DCAF8L2: variants seen among roughly 807,000 people sequenced by gnomAD.
The protein encoded by DCAF8L2 is DDB1- and CUL4-associated factor 8-like protein 2.
For synonymous variants in DCAF8L2, 200 were observed against 190.9 expected, an observed-to-expected ratio of 1.05 and a Z score of -0.39; for missense variants, 430 against 490.7, an observed-to-expected ratio of 0.88 and a Z score of 1.17.
chrX:27,734,220 C>G, intron 4 of DCAF8L2, among the ~76,000 whole-genome samples: 1 of 110,996 alleles, frequency 9.0e-6, no homozygotes, highest in Non-Finnish European at 1.9e-5. Context: ...TAAACCCCAT[C>G]TAAACCAGAA....
chrX:27,670,490 C>T (rs916304929), intron 2 of DCAF8L2, among the ~76,000 whole-genome samples: 6 of 111,414 alleles, frequency 5.4e-5, no homozygotes, highest in Non-Finnish European at 9.4e-5. Flanking sequence ...GCTGCAGGCT[C>T]TTTTGAGCTT....
the DCAF8L2 span, among the ~76,000 whole-genome samples, chrX:27,533,176 A>AGAGAG: frequency 2.0e-4 from 3 of 14,849 alleles, no homozygotes; most frequent in African/African-American, 3.5e-4. Flanking sequence ...GAAAGAAAGA[A>AGAGAG]AGAAAGAAAG....
chrX:27,526,275 T>C, the DCAF8L2 span, among the ~76,000 whole-genome samples: 2 of 112,162 alleles, frequency 1.8e-5, no homozygotes, highest in African/African-American at 6.5e-5. Context: ...TTTCATTCAT[T>C]TGATCTTCAA....
chrX:27,711,426 TTA>T (rs1423669611), intron 3 of DCAF8L2, among the ~76,000 whole-genome samples: 28 of 101,330 alleles, frequency 2.8e-4, no homozygotes, highest in Non-Finnish European at 3.6e-4. Context: ...TGTGTGTGTA[TTA>T]TATATATATA....
At chrX:27,651,711 C>T (rs1282468905) in intron 2 of DCAF8L2, among the ~76,000 whole-genome samples, 4 of 109,063 alleles carry the variant, frequency 3.7e-5, no homozygotes, top group African/African-American at 6.7e-5. Flanking sequence ...GGGGTTTCAC[C>T]GTGTTAGCCA....
At chrX:27,656,673 T>G (rs1929365639) in intron 2 of DCAF8L2, among the ~76,000 whole-genome samples, 1 of 111,698 alleles carries the variant, frequency 9.0e-6, no homozygotes, top group Admixed American at 9.6e-5. Context: ...TCTTTTCCAT[T>G]AGCTGTATTA....
At chrX:27,517,887 A>C in the DCAF8L2 span, 1 of 1,115,282 alleles carries the variant, frequency 9.0e-7, no homozygotes, top group Non-Finnish European at 1.2e-6. Flanking sequence ...TTTTGTGCCC[A>C]ATACAACTGG....
intron 3 of DCAF8L2, among the ~76,000 whole-genome samples, chrX:27,701,401 T>A (rs1252393409): frequency 1.8e-5 from 2 of 111,176 alleles, no homozygotes; most frequent in Non-Finnish European, 3.8e-5. Flanking sequence ...TGGAGAACAC[T>A]CCACCCAACA....
At chrX:27,611,392 G>C (rs984488440) in intron 1 of DCAF8L2, among the ~76,000 whole-genome samples, 2 of 108,997 alleles carry the variant, frequency 1.8e-5, no homozygotes, top group African/African-American at 6.7e-5. Flanking sequence ...TGCCGTCATA[G>C]TGAACAGGCA....
upstream of DCAF8L2, among the ~76,000 whole-genome samples, chrX:27,587,667 A>G (rs1170115511): frequency 9.0e-6 from 1 of 111,633 alleles, no homozygotes; most frequent in Admixed American, 9.6e-5. Context: ...GAAGGAATAT[A>G]TAACAAGAGG....
At chrX:27,640,696 C>T (rs1928679255) in intron 2 of DCAF8L2, among the ~76,000 whole-genome samples, 1 of 112,056 alleles carries the variant, frequency 8.9e-6, no homozygotes, top group African/African-American at 3.2e-5. Flanking sequence ...CACATTTTCA[C>T]GGCAATGTAT....
At chrX:27,624,103 CAG>C (rs939307649) in intron 1 of DCAF8L2, among the ~76,000 whole-genome samples, 1 of 111,695 alleles carries the variant, frequency 9.0e-6, no homozygotes, top group Non-Finnish European at 1.9e-5. Context: ...TTAGAATTGT[CAG>C]AGTTTAGACA....
chrX:27,528,058 T>C, the DCAF8L2 span, among the ~76,000 whole-genome samples: 1 of 106,278 alleles, frequency 9.4e-6, no homozygotes, highest in African/African-American at 3.5e-5. Context: ...AATTATTAAA[T>C]TAAATTTTTA....
At chrX:27,584,667 A>G in the DCAF8L2 span, among the ~76,000 whole-genome samples, 4 of 111,825 alleles carry the variant, frequency 3.6e-5, no homozygotes, top group East Asian at 8.3e-4. Context: ...CACCAACTTC[A>G]TTTGAAAAAT....
chrX:27,599,283 A>G (rs1004861680), intron 1 of DCAF8L2, among the ~76,000 whole-genome samples: 1 of 111,591 alleles, frequency 9.0e-6, no homozygotes, highest in African/African-American at 3.3e-5. Context: ...GACAAATACT[A>G]TGTGATTCCA....
the DCAF8L2 span, among the ~76,000 whole-genome samples, chrX:27,573,165 C>T: frequency 9.1e-6 from 1 of 110,152 alleles, no homozygotes; most frequent in African/African-American, 3.3e-5. Context: ...TTACCCCAAA[C>T]ATGGTTGATA....
chrX:27,673,929 C>G (rs1165284477), intron 2 of DCAF8L2, among the ~76,000 whole-genome samples: 1 of 111,082 alleles, frequency 9.0e-6, no homozygotes, highest in Admixed American at 9.7e-5. Flanking sequence ...GACCAGGCAG[C>G]TTGCACCTTT....
At chrX:27,603,284 T>C (rs903972431) in intron 1 of DCAF8L2, among the ~76,000 whole-genome samples, 7 of 112,103 alleles carry the variant, frequency 6.2e-5, no homozygotes, top group Non-Finnish European at 1.3e-4. Flanking sequence ...TACTTTAAGC[T>C]TCTGTGCTCA....
At chrX:27,558,383 T>G in the DCAF8L2 span, among the ~76,000 whole-genome samples, 1 of 111,167 alleles carries the variant, frequency 9.0e-6, no homozygotes, top group Non-Finnish European at 1.9e-5. Context: ...TTGTGCCCTC[T>G]TTTGGGAAAA....
Sources: allele counts gnomAD v4.1 joint callset (sites outside exome capture counted in the v4.1 genomes callset), GRCh38; gene constraint gnomAD v4.1.1; transcripts MANE v1.5; gene names NCBI Gene and HGNC (gene_info 2026-07-23, HGNC 2026-07-21).